NOSTRIN: variants seen among roughly 807,000 people sequenced by gnomAD.
NOSTRIN encodes the protein BM247 homolog.
NOSTRIN carries 63 observed loss-of-function variants against 59.0 expected under a neutral mutation model. The ratio of observed to expected loss-of-function variants is 1.07; its 90% CI spans 0.87 to 1.32. The LOEUF is 1.32. Among genes scored for constraint, NOSTRIN ranks in the 40% most tolerant of loss-of-function variants. The pLI is 0.00. For synonymous variants in NOSTRIN, 200 were observed against 165.4 expected, an observed-to-expected ratio of 1.21 and a Z score of -1.61; for missense variants, 512 against 473.1, an observed-to-expected ratio of 1.08 and a Z score of -0.76.
At chr2:168,858,451 G>A (rs1689247382) in intron 12 of NOSTRIN, among the ~76,000 whole-genome samples, 1 of 152,138 alleles carries the variant, frequency 6.6e-6, no homozygotes, top group Admixed American at 6.5e-5. Flanking sequence ...TTATATCTTG[G>A]TCCTTGAAGT....
At chr2:168,863,546 T>TTCTC in intron 15 of NOSTRIN, 12 of 985,362 alleles carry the variant, frequency 1.2e-5, no homozygotes, top group Non-Finnish European at 1.4e-5. Context: ...CTCTATGGAA[T>TTCTC]TCTCTTTATT....
chr2:168,848,031 T>C (rs1688530484), intron 8 of NOSTRIN, among the ~76,000 whole-genome samples: 1 of 152,248 alleles, frequency 6.6e-6, no homozygotes, highest in South Asian at 2.1e-4. Flanking sequence ...CAATATGTTC[T>C]AAAACCTGGC....
At chr2:168,858,946 G>C (rs1022378078) in intron 12 of NOSTRIN, among the ~76,000 whole-genome samples, 1 of 152,200 alleles carries the variant, frequency 6.6e-6, no homozygotes, top group Non-Finnish European at 1.5e-5. Context: ...ACAGAGACTA[G>C]GAGTGTATCT....
At chr2:168,840,888 G>A (rs1190411801) in intron 7 of NOSTRIN, among the ~76,000 whole-genome samples, 1 of 152,164 alleles carries the variant, frequency 6.6e-6, no homozygotes, top group African/African-American at 2.4e-5. Context: ...TATGAAATAA[G>A]TATTGCTACT....
intron 15 of NOSTRIN, 27 bp from the exon 16 acceptor site, chr2:168,864,807 C>A (rs758363661): frequency 1.2e-6 from 2 of 1,612,868 alleles, no homozygotes; most frequent in South Asian, 2.2e-5. Context: ...ATCACAGAGA[C>A]CCATTTGTCT....
intron 15 of NOSTRIN, chr2:168,863,473 G>C (rs1194220492): frequency 3.0e-6 from 3 of 985,156 alleles, no homozygotes; most frequent in African/African-American, 1.7e-5. Context: ...GACGGGGGCA[G>C]ATGATCCTGA....
chr2:168,801,483 A>T (rs1021789949), upstream of NOSTRIN, among the ~76,000 whole-genome samples: 1 of 152,020 alleles, frequency 6.6e-6, no homozygotes, highest in Admixed American at 6.6e-5. Context: ...TCGGCCTCCC[A>T]AAGTGCTTGG....
At chr2:168,850,968 A>G in intron 8 of NOSTRIN, 116 bp from the exon 9 acceptor site, 1 of 836,792 alleles carries the variant, frequency 1.2e-6, no homozygotes, top group South Asian at 1.4e-5. Context: ...TGACATAGTC[A>G]AGAGGCTAAT....
intron 15 of NOSTRIN, among the ~76,000 whole-genome samples, chr2:168,863,913 TTTTA>T (rs1287429989): frequency 7.9e-5 from 12 of 151,580 alleles, no homozygotes; most frequent in Admixed American, 3.3e-4. Flanking sequence ...CGTGATCTTT[TTTTA>T]TTTTTTTTTT....
At chr2:168,860,546 C>T (rs1348980807) in intron 13 of NOSTRIN, among the ~76,000 whole-genome samples, 1 of 152,026 alleles carries the variant, frequency 6.6e-6, no homozygotes, top group African/African-American at 2.4e-5. Context: ...TGGTGGGCAC[C>T]TGTAATCCCA....
In NOSTRIN at chr2:168,861,998, G is replaced by T. The variant is rs781159291; in HGVS notation, c.1333G>T (p.Ala445Ser). ...CCAGCTCAGCAGCAGACTTTGCAAGGCCTTGTATTCTTTTCAAGCCAGGCA... is the reference window on the plus strand; with the variant it reads ...CCAGCTCAGCAGCAGACTTTGCAAGTCCTTGTATTCTTTTCAAGCCAGGCA... ...AAQLSSRLCK[A>S]LYSFQARQDD... The change falls in exon 15 of 16, where the codon GCC (alanine) becomes TCC (serine). Residue 445 changes from alanine to serine, a missense_variant. By Grantham distance (99) the Ala-to-Ser change is moderately conservative. Transcript: ENST00000317647. 1.3e-5 allele frequency: 21 copies of T among 1,613,998 alleles called. No homozygotes were observed. The highest frequency in any genetic ancestry group is 1.5e-5 in the Non-Finnish European group (18 of 1,180,020).
chr2:168,837,083 C>T (rs1347998341), intron 7 of NOSTRIN, among the ~76,000 whole-genome samples: 2 of 152,018 alleles, frequency 1.3e-5, no homozygotes, highest in Non-Finnish European at 1.5e-5. Flanking sequence ...CCTGGGGCCT[C>T]TTCTATAAGG....
chr2:168,800,006 A>G (rs1326101697), upstream of NOSTRIN, among the ~76,000 whole-genome samples: 2 of 152,218 alleles, frequency 1.3e-5, no homozygotes, highest in African/African-American at 4.8e-5. Context: ...TGTGGCTGAA[A>G]TGATGGGATG....
chr2:168,839,411 G>T (rs1358331744), intron 7 of NOSTRIN, among the ~76,000 whole-genome samples: 1 of 152,092 alleles, frequency 6.6e-6, no homozygotes, highest in Non-Finnish European at 1.5e-5. Flanking sequence ...AGATGGTAAT[G>T]GTCTGTGGGT....
chr2:168,826,283 G>A (rs1006774526), intron 3 of NOSTRIN, among the ~76,000 whole-genome samples: 2 of 152,088 alleles, frequency 1.3e-5, no homozygotes, highest in South Asian at 4.1e-4. Flanking sequence ...CTACCAAAGA[G>A]TTGGCAGGTC....
In NOSTRIN at chr2:168,860,146, T is replaced by A. The variant is rs945051031; in HGVS notation, c.1179+509T>A. On this transcript the variant is annotated intron_variant, in intron 13 of 15. Coordinates refer to ENST00000317647, the MANE Select transcript of NOSTRIN (RefSeq NM_001039724.4). ...CTAAGGCTCAAGAGCTCGAAAACAATCTCAATCATTTACAGGGTTGTGATC... is the reference window on the plus strand; with the variant it reads ...CTAAGGCTCAAGAGCTCGAAAACAAACTCAATCATTTACAGGGTTGTGATC... Among the ~76,000 whole-genome samples, 48 of 152,190 alleles carry A rather than the reference T, an allele frequency of 3.2e-4. 2 individuals carry two copies. Among genetic ancestry groups the A allele is most frequent in the Admixed American group, 9.8e-4 (15 of 15,272 alleles).
chr2:168,792,250 A>G (rs750015182), intron 2 of NOSTRIN, among the ~76,000 whole-genome samples: 4 of 152,186 alleles, frequency 2.6e-5, no homozygotes, highest in Non-Finnish European at 4.4e-5. Flanking sequence ...TGAGGATGCC[A>G]TCTATGACTT....
At chr2:168,862,595 C>T (rs937410619) in intron 15 of NOSTRIN, among the ~76,000 whole-genome samples, 11 of 152,204 alleles carry the variant, frequency 7.2e-5, no homozygotes, top group African/African-American at 2.7e-4. Context: ...CAGCTTAGTG[C>T]TGGTCTCACT....
intron 2 of NOSTRIN, among the ~76,000 whole-genome samples, chr2:168,814,147 C>A (rs1686284292): frequency 6.6e-6 from 1 of 152,172 alleles, no homozygotes; most frequent in Non-Finnish European, 1.5e-5. Flanking sequence ...GACAGCATTT[C>A]TGTGTATTAG....
Sources: gnomAD v4.1 joint callset for allele counts (sites outside exome capture counted in the v4.1 genomes callset) on GRCh38, gnomAD v4.1.1 for gene constraint, MANE v1.5 for transcripts, NCBI Gene and HGNC (gene_info 2026-07-23, HGNC 2026-07-21) for gene names.